CCDC171: variants seen among roughly 807,000 people sequenced by gnomAD.
The protein encoded by CCDC171 is coiled-coil domain-containing protein 171.
CCDC171 carries 177 observed loss-of-function variants against 168.2 expected under a neutral mutation model. The observed-to-expected ratio is 1.05, with a 90% CI of 0.93 to 1.19. The LOEUF (loss-of-function observed/expected upper bound fraction) is 1.19, where lower values mean the gene tolerates loss of function less well. CCDC171 is among the 50% of genes most tolerant of loss of function. The pLI is 0.00. For missense variants in CCDC171, 1,991 were observed against 1,539.0 expected (o/e 1.29, Z -4.91); for synonymous variants, 687 against 540.8 (o/e 1.27, Z -3.75).
chr9:15,583,894 GT>G (rs2041343093), intron 4 of CCDC171, among the ~76,000 whole-genome samples: 1 of 152,076 alleles, frequency 6.6e-6, no homozygotes. Flanking sequence ...TTGAGATGGA[GT>G]CTCCCTCTTT....
chr9:15,612,341 A>T (rs905147206), intron 6 of CCDC171, among the ~76,000 whole-genome samples: 1 of 152,144 alleles, frequency 6.6e-6, no homozygotes, highest in Non-Finnish European at 1.5e-5. Context: ...CTGTCTTCCA[A>T]ATTTGCTCCT....
At chr9:15,755,657 G>C (rs911547251) in intron 18 of CCDC171, among the ~76,000 whole-genome samples, 9 of 152,154 alleles carry the variant, frequency 5.9e-5, no homozygotes, top group Non-Finnish European at 1.2e-4. Flanking sequence ...TAATGTGAAT[G>C]ATCCCTGAAG....
At chr9:15,568,787 A>G (rs139083477) in intron 2 of CCDC171, among the ~76,000 whole-genome samples, 1 of 152,032 alleles carries the variant, frequency 6.6e-6, no homozygotes, top group African/African-American at 2.4e-5. Context: ...TTGCTTATAG[A>G]TGCTGGATAT....
At chr9:15,722,762 G>T (rs994432479) in intron 12 of CCDC171, among the ~76,000 whole-genome samples, 2 of 152,172 alleles carry the variant, frequency 1.3e-5, no homozygotes, top group African/African-American at 4.8e-5. Flanking sequence ...AAGGAAAAGT[G>T]AGTCTTTTTA....
intron 5 of CCDC171, 30 bp downstream of exon 5, chr9:15,591,586 G>T (rs746448425): frequency 3.3e-6 from 4 of 1,222,790 alleles, no homozygotes; most frequent in Non-Finnish European, 4.7e-6. Flanking sequence ...GGAATTTTCC[G>T]ATATGTAATA....
chr9:15,712,911 A>C (rs965132438), intron 11 of CCDC171, among the ~76,000 whole-genome samples: 2 of 152,214 alleles, frequency 1.3e-5, no homozygotes, highest in African/African-American at 4.8e-5. Flanking sequence ...AGGAAAAAAC[A>C]TTGGTTGATA....
intron 6 of CCDC171, among the ~76,000 whole-genome samples, chr9:15,606,698 A>G (rs1182427196): frequency 6.6e-6 from 1 of 152,240 alleles, no homozygotes; most frequent in Non-Finnish European, 1.5e-5. Flanking sequence ...GTATATATAA[A>G]GAATTATACT....
At chr9:15,950,604 A>G (rs1829028422) in intron 25 of CCDC171, among the ~76,000 whole-genome samples, 1 of 152,160 alleles carries the variant, frequency 6.6e-6, no homozygotes, top group Non-Finnish European at 1.5e-5. Context: ...GACCTGCCCT[A>G]AAAGAGCTCC....
At chr9:15,680,498 A>G (rs1434012583) in intron 10 of CCDC171, among the ~76,000 whole-genome samples, 1 of 152,212 alleles carries the variant, frequency 6.6e-6, no homozygotes, top group Non-Finnish European at 1.5e-5. Context: ...TCGAAAGCTA[A>G]TAATAGGATA....
At chr9:15,814,829 T>C (rs1176527027) in intron 21 of CCDC171, among the ~76,000 whole-genome samples, 3 of 152,212 alleles carry the variant, frequency 2.0e-5, no homozygotes, top group African/African-American at 7.2e-5. Flanking sequence ...GAGCCTCTAC[T>C]ATGTAAAAAG....
chr9:15,737,913 TCTG>T (rs1341769409), intron 16 of CCDC171, among the ~76,000 whole-genome samples: 1 of 152,186 alleles, frequency 6.6e-6, no homozygotes, highest in East Asian at 1.9e-4. Context: ...ATTAGCAATG[TCTG>T]AGAGTTCCAA....
the CCDC171 span, among the ~76,000 whole-genome samples, chr9:16,081,536 A>G: frequency 3.9e-5 from 6 of 152,318 alleles, no homozygotes; most frequent in South Asian, 6.2e-4. Context: ...TCAATTTGCA[A>G]TCGTGAGGAA....
intron 21 of CCDC171, among the ~76,000 whole-genome samples, chr9:15,826,678 C>T (rs557727291): frequency 6.6e-5 from 10 of 152,298 alleles, no homozygotes; most frequent in African/African-American, 2.4e-4. Context: ...TCTCATGCAA[C>T]AAGCTAGCAT....
chr9:15,788,635 G>A (rs1195778823), intron 21 of CCDC171, among the ~76,000 whole-genome samples: 5 of 150,038 alleles, frequency 3.3e-5, no homozygotes, highest in South Asian at 2.1e-4. Context: ...CCCAGGCCAC[G>A]ACCTCCTAGG....
At chr9:15,892,331 TG>T (rs2131511621) in intron 24 of CCDC171, among the ~76,000 whole-genome samples, 1 of 152,278 alleles carries the variant, frequency 6.6e-6, no homozygotes, top group Admixed American at 6.5e-5. Flanking sequence ...TGATATTGGC[TG>T]TGGGTTTGTT....
At chr9:15,645,065 A>G (rs1403623489) in intron 7 of CCDC171, among the ~76,000 whole-genome samples, 1 of 152,230 alleles carries the variant, frequency 6.6e-6, no homozygotes, top group African/African-American at 2.4e-5. Context: ...ACGATCAGGC[A>G]GCAACATTGG....
chr9:15,952,988 G>T (rs1829381539), intron 25 of CCDC171, among the ~76,000 whole-genome samples: 1 of 152,016 alleles, frequency 6.6e-6, no homozygotes, highest in South Asian at 2.1e-4. Context: ...ATCATTTATT[G>T]TTAGGGTATG....
intron 21 of CCDC171, among the ~76,000 whole-genome samples, chr9:15,817,014 G>A (rs529012920): frequency 8.5e-6 from 1 of 118,178 alleles, no homozygotes; most frequent in South Asian, 2.8e-4. Flanking sequence ...ATAGTTATGT[G>A]TGTGTGTGTA....
At chr9:16,033,380 C>T (rs1321099258) in intron 6 of CCDC171, among the ~76,000 whole-genome samples, 1 of 152,176 alleles carries the variant, frequency 6.6e-6, no homozygotes, top group Non-Finnish European at 1.5e-5. Flanking sequence ...ACGGCCCGAG[C>T]TCCACCTCCT....
Sources: allele counts gnomAD v4.1 joint callset (sites outside exome capture counted in the v4.1 genomes callset), GRCh38; gene constraint gnomAD v4.1.1; transcripts MANE v1.5; gene names NCBI Gene and HGNC (gene_info 2026-07-23, HGNC 2026-07-21).